Variants in EBF1 observed in about 807,000 individuals in gnomAD.
EBF1 encodes the protein EBF transcription factor 1.
EBF1 carries 10 observed loss-of-function variants against 68.4 expected under a neutral mutation model. That is an observed-to-expected ratio of 0.15 (90% CI 0.09 to 0.25). The LOEUF (loss-of-function observed/expected upper bound fraction) is 0.25, where lower values mean the gene tolerates loss of function less well. EBF1 is among the 10% of genes least tolerant of loss of function. The probability of loss-of-function intolerance (pLI) is 1.00; values close to 1 mark genes in which losing one functional copy is unlikely to be tolerated. For synonymous variants in EBF1, 298 were observed against 299.8 expected, an observed-to-expected ratio of 0.99 and a Z score of 0.06; for missense variants, 509 against 794.4, an observed-to-expected ratio of 0.64 and a Z score of 4.32.
intron 6 of EBF1, among the ~76,000 whole-genome samples, chr5:159,016,260 A>G (rs1469258813): frequency 6.6e-6 from 1 of 152,214 alleles, no homozygotes; most frequent in Non-Finnish European, 1.5e-5. Context: ...GCTTGATGAG[A>G]TCTACAAACA....
intron 6 of EBF1, among the ~76,000 whole-genome samples, chr5:158,956,722 T>G (rs1817190717): frequency 6.6e-6 from 1 of 151,276 alleles, no homozygotes; most frequent in African/African-American, 2.4e-5. Flanking sequence ...AAGCATGTAC[T>G]ACCACTCCCA....
chr5:158,951,015 A>G (rs927001220), intron 6 of EBF1, among the ~76,000 whole-genome samples: 5 of 152,170 alleles, frequency 3.3e-5, no homozygotes, highest in African/African-American at 1.2e-4. Context: ...TTCAATATTA[A>G]CTCCAACTTA....
At chr5:158,899,428 C>CATCTGGAAT (rs1483740486) in intron 6 of EBF1, among the ~76,000 whole-genome samples, 1 of 152,180 alleles carries the variant, frequency 6.6e-6, no homozygotes, top group Non-Finnish European at 1.5e-5. Context: ...GCAGTAATCT[C>CATCTGGAAT]ATCTGGAATT....
intron 10 of EBF1, among the ~76,000 whole-genome samples, chr5:158,750,627 C>G (rs1422418733): frequency 6.6e-6 from 1 of 151,920 alleles, no homozygotes; most frequent in Non-Finnish European, 1.5e-5. Flanking sequence ...ATTTCCTAGA[C>G]TAATTGTGAG....
At chr5:158,969,933 C>T (rs1203483624) in intron 6 of EBF1, among the ~76,000 whole-genome samples, 1 of 127,074 alleles carries the variant, frequency 7.9e-6, no homozygotes, top group African/African-American at 2.8e-5. Context: ...AAAAAAAAGG[C>T]TGCTGGAAGT....
chr5:158,950,235 C>A (rs1815674598), intron 6 of EBF1, among the ~76,000 whole-genome samples: 1 of 152,142 alleles, frequency 6.6e-6, no homozygotes, highest in East Asian at 1.9e-4. Flanking sequence ...AGGACTTGGG[C>A]AGAAACAAGG....
intron 8 of EBF1, among the ~76,000 whole-genome samples, chr5:158,817,976 A>C (rs1360941062): frequency 6.6e-6 from 1 of 152,188 alleles, no homozygotes; most frequent in Non-Finnish European, 1.5e-5. Flanking sequence ...GTTCCCAGGA[A>C]GCTCTATTTC....
At chr5:158,993,553 G>A (rs2127617692) in intron 6 of EBF1, among the ~76,000 whole-genome samples, 1 of 152,304 alleles carries the variant, frequency 6.6e-6, no homozygotes, top group Non-Finnish European at 1.5e-5. Flanking sequence ...AGAGAAAATA[G>A]TGGAATAAAT....
At chr5:158,732,592 GA>G (rs898501475) in intron 10 of EBF1, among the ~76,000 whole-genome samples, 10 of 145,752 alleles carry the variant, frequency 6.9e-5, no homozygotes, top group East Asian at 3.9e-4. Context: ...TTTATGTAAG[GA>G]AAAAAAAAAG....
intron 10 of EBF1, among the ~76,000 whole-genome samples, chr5:158,755,219 A>G (rs1769804195): frequency 6.6e-6 from 1 of 152,102 alleles, no homozygotes; most frequent in East Asian, 1.9e-4. Context: ...AATTTTAAGA[A>G]GATGGAGCTC....
chr5:158,792,445 A>G (rs964729579), intron 9 of EBF1, among the ~76,000 whole-genome samples: 2 of 152,174 alleles, frequency 1.3e-5, no homozygotes, highest in Non-Finnish European at 2.9e-5. Flanking sequence ...GTAGGGAAAG[A>G]GCACAGATTA....
chr5:158,791,930 C>T (rs1347150393), intron 9 of EBF1, among the ~76,000 whole-genome samples: 1 of 152,140 alleles, frequency 6.6e-6, no homozygotes, highest in Non-Finnish European at 1.5e-5. Flanking sequence ...AGCAGGCAAG[C>T]CAACCAGTGC....
intron 6 of EBF1, among the ~76,000 whole-genome samples, chr5:158,993,312 T>C (rs886212373): frequency 2.0e-5 from 3 of 152,100 alleles, no homozygotes; most frequent in Admixed American, 6.5e-5. Context: ...CCTCCCAAAG[T>C]GCTAGGATTA....
intron 10 of EBF1, among the ~76,000 whole-genome samples, chr5:158,766,014 G>T (rs1422202443): frequency 1.3e-5 from 2 of 152,162 alleles, no homozygotes; most frequent in African/African-American, 4.8e-5. Context: ...AAAGCAAGAT[G>T]CTTTCTCAAT....
At chr5:159,006,502 T>C (rs1207688963) in intron 6 of EBF1, among the ~76,000 whole-genome samples, 1 of 151,972 alleles carries the variant, frequency 6.6e-6, no homozygotes, top group African/African-American at 2.4e-5. Context: ...TGTGGCACTT[T>C]TATTCCTCTC....
chr5:158,997,607 T>G (rs1761672825), intron 6 of EBF1, among the ~76,000 whole-genome samples: 1 of 152,232 alleles, frequency 6.6e-6, no homozygotes, highest in Non-Finnish European at 1.5e-5. Flanking sequence ...TGGGTCTTGT[T>G]GAATCCATTC....
chr5:159,084,311 T>C (rs1420159877), intron 5 of EBF1, among the ~76,000 whole-genome samples: 2 of 152,200 alleles, frequency 1.3e-5, no homozygotes, highest in African/African-American at 4.8e-5. Context: ...AATAGAACTC[T>C]TACTCATTTT....
chr5:158,808,210 C>G (rs1781957716), intron 8 of EBF1, among the ~76,000 whole-genome samples: 1 of 152,148 alleles, frequency 6.6e-6, no homozygotes, highest in Non-Finnish European at 1.5e-5. Flanking sequence ...ACTTTCATCT[C>G]AACTCTATGA....
intron 11 of EBF1, among the ~76,000 whole-genome samples, chr5:158,730,791 CCTTG>C (rs1476675122): frequency 6.6e-6 from 1 of 152,128 alleles, no homozygotes; most frequent in Non-Finnish European, 1.5e-5. Context: ...TTTAATCTCT[CCTTG>C]CTTATTTTCT....
Sources: gnomAD v4.1 joint callset for allele counts (sites outside exome capture counted in the v4.1 genomes callset) on GRCh38, gnomAD v4.1.1 for gene constraint, MANE v1.5 for transcripts, NCBI Gene and HGNC (gene_info 2026-07-23, HGNC 2026-07-21) for gene names.